REPS1: variants seen among roughly 807,000 people sequenced by gnomAD.
The protein encoded by REPS1 is RALBP1 associated Eps domain containing 1, also known as ralBP1-associated Eps domain-containing protein 1.
Under a neutral mutation model 100.9 loss-of-function variants are expected in REPS1, and 39 were observed. That is an observed-to-expected ratio of 0.39 (90% CI 0.30 to 0.50). The LOEUF (loss-of-function observed/expected upper bound fraction) is 0.50, where lower values mean the gene tolerates loss of function less well. REPS1 is among the 20% of genes least tolerant of loss of function. The pLI, the probability that REPS1 is intolerant of heterozygous loss-of-function variation, is 0.86. For missense variants in REPS1, 821 were observed against 968.5 expected (o/e 0.85, Z 2.02); for synonymous variants, 324 against 340.3 (o/e 0.95, Z 0.53).
At chr6:138,916,104 G>T in intron 13 of REPS1, 128 bp from the exon 14 acceptor site, 3 of 703,724 alleles carry the variant, frequency 4.3e-6, no homozygotes, top group South Asian at 3.0e-5. Flanking sequence ...ACTCAAGTAT[G>T]TAAGTGTTAC....
chr6:138,907,313 AG>A (rs1257386016), intron 19 of REPS1, 181 bp downstream of exon 19: 8,278 of 134,994 alleles, frequency 0.061, 472 homozygotes, highest in African/African-American at 0.17. Flanking sequence ...AAAAAAAAAA[AG>A]TGTGTGTGTG....
intron 9 of REPS1, 110 bp downstream of exon 9, chr6:138,929,867 C>G: frequency 9.7e-7 from 1 of 1,033,582 alleles, no homozygotes; most frequent in East Asian, 2.4e-5. Context: ...CTGATATGTT[C>G]TCTCAATTAT....
intron 1 of REPS1, among the ~76,000 whole-genome samples, chr6:138,980,070 T>G (rs1225586310): frequency 1.3e-5 from 2 of 152,110 alleles, no homozygotes; most frequent in Middle Eastern, 3.2e-3. Context: ...CTTCCAACCA[T>G]CCAATAGTGG....
chr6:138,906,414 T>C (rs751379661), intron 19 of REPS1, among the ~76,000 whole-genome samples: 5 of 152,240 alleles, frequency 3.3e-5, no homozygotes, highest in Non-Finnish European at 7.3e-5. Flanking sequence ...AATCCCAGTT[T>C]ATACCCAGTG....
At chr6:138,933,063 G>A (rs987460477) in intron 8 of REPS1, among the ~76,000 whole-genome samples, 8 of 152,018 alleles carry the variant, frequency 5.3e-5, no homozygotes, top group African/African-American at 9.7e-5. Context: ...AATGCATTAC[G>A]GTATAAAATC....
At chr6:138,926,590 C>A in intron 9 of REPS1, 109 bp from the exon 10 acceptor site, 1 of 716,096 alleles carries the variant, frequency 1.4e-6, no homozygotes, top group South Asian at 1.6e-5. Flanking sequence ...AGTTGTGTTT[C>A]ATAGGTTTAA....
chr6:138,936,428 C>T (rs1364936022), intron 8 of REPS1, among the ~76,000 whole-genome samples: 1 of 152,094 alleles, frequency 6.6e-6, no homozygotes, highest in African/African-American at 2.4e-5. Context: ...TCTGCCCTTG[C>T]TTGTCAATGT....
At position 138,925,880 on chromosome 6, in the gene REPS1, C is replaced by A. The variant is rs373644678; in HGVS notation, c.1338+521G>T. Reference sequence around the variant, plus strand: ...AAGCCACAAGAAGACAAGACAGAGGCTCCTTTGCATAAGCGGAATATTTGA... The same window carrying A: ...AAGCCACAAGAAGACAAGACAGAGGATCCTTTGCATAAGCGGAATATTTGA... On this transcript the variant is annotated intron_variant, in intron 10 of 19. Transcript: ENST00000450536. Among the ~76,000 whole-genome samples, 3 of 152,274 alleles carry A rather than the reference C, an allele frequency of 2.0e-5. 1 individual carries two copies.
chr6:138,986,986 T>A (rs182080855), intron 1 of REPS1, among the ~76,000 whole-genome samples: 372 of 152,330 alleles, frequency 2.4e-3, no homozygotes, highest in Non-Finnish European at 3.9e-3. Flanking sequence ...TACAACTTCT[T>A]GTATGCCTAC....
At chr6:138,929,512 C>T (rs1253347706) in intron 9 of REPS1, 1 of 152,588 alleles carries the variant, frequency 6.6e-6, no homozygotes, top group Admixed American at 6.5e-5. Context: ...AACATACTTT[C>T]TTCATATGGA....
chr6:138,971,300 CT>C (rs1784331069), intron 1 of REPS1, among the ~76,000 whole-genome samples: 1 of 152,166 alleles, frequency 6.6e-6, no homozygotes, highest in Admixed American at 6.5e-5. Context: ...GTAGTACAAT[CT>C]GTAATTCTGA....
At chr6:138,943,472 G>A (rs1782400016) in intron 7 of REPS1, 41 bp downstream of exon 7, 1 of 1,289,660 alleles carries the variant, frequency 7.8e-7, no homozygotes, top group Non-Finnish European at 1.1e-6. Context: ...AAACTCCTTG[G>A]AAGCAACCCA....
At chr6:138,928,168 C>A (rs1781261798) in intron 9 of REPS1, 1 of 152,180 alleles carries the variant, frequency 6.6e-6, no homozygotes, top group South Asian at 2.1e-4. Context: ...TTCAGTTTCT[C>A]CATCTGTAAC....
chr6:138,966,537 T>C (rs543616115), intron 1 of REPS1, among the ~76,000 whole-genome samples: 1 of 152,186 alleles, frequency 6.6e-6, no homozygotes, highest in Non-Finnish European at 1.5e-5. Context: ...TACTGTTTTA[T>C]AGCTGAGAGA....
Position 138,977,687 on chromosome 6 carries a change from T to C in REPS1, c.153+9843A>G, listed in dbSNP as rs114170455. On this transcript the variant is annotated intron_variant, in intron 1 of 19. Transcript: ENST00000450536. Reference sequence around the variant, plus strand: ...TGAATTGCTTTCCAGTTTTTGACTATTGTGAATAATGCTAACAGACATGTA... The same window carrying C: ...TGAATTGCTTTCCAGTTTTTGACTACTGTGAATAATGCTAACAGACATGTA... Among the ~76,000 whole-genome samples, 1,377 of 152,348 alleles carry C rather than the reference T, an allele frequency of 9.0e-3. 16 individuals are homozygous for C. Among genetic ancestry groups the C allele is most frequent in the African/African-American group, 0.031 (1,301 of 41,578 alleles).
At chr6:138,930,539 T>C (rs1934395593) in intron 8 of REPS1, among the ~76,000 whole-genome samples, 1 of 152,192 alleles carries the variant, frequency 6.6e-6, no homozygotes, top group Non-Finnish European at 1.5e-5. Context: ...GTATGCACAT[T>C]TGTATATCAA....
At chr6:138,922,411 A>G (rs1331244002) in intron 10 of REPS1, among the ~76,000 whole-genome samples, 9 of 152,338 alleles carry the variant, frequency 5.9e-5, no homozygotes, top group Non-Finnish European at 1.2e-4. Flanking sequence ...ACTGTAATAC[A>G]GTTGATATTT....
At chr6:138,935,076 A>G (rs1160828230) in intron 8 of REPS1, among the ~76,000 whole-genome samples, 5 of 152,240 alleles carry the variant, frequency 3.3e-5, no homozygotes, top group African/African-American at 9.6e-5. Context: ...TCTATTTCCA[A>G]AATGAACTCC....
chr6:138,941,272 T>C, intron 8 of REPS1, 63 bp downstream of exon 8: 1 of 1,542,518 alleles, frequency 6.5e-7, no homozygotes, highest in South Asian at 1.2e-5. Flanking sequence ...TGATTTTTCT[T>C]TCAGAATCAA....
Sources: gnomAD v4.1 joint callset for allele counts (sites outside exome capture counted in the v4.1 genomes callset) on GRCh38, gnomAD v4.1.1 for gene constraint, MANE v1.5 for transcripts, NCBI Gene and HGNC (gene_info 2026-07-23, HGNC 2026-07-21) for gene names.